Variants in RSU1 observed in about 807,000 individuals in gnomAD.
RSU1 encodes rsu-1.
RSU1 carries 26 observed loss-of-function variants against 31.1 expected under a neutral mutation model. That is an observed-to-expected ratio of 0.84 (90% CI 0.61 to 1.16). The LOEUF is 1.16. Among genes scored for constraint, RSU1 ranks in the 50% most tolerant of loss-of-function variants. The pLI is 0.00. For missense variants in RSU1, 320 were observed against 339.1 expected, an observed-to-expected ratio of 0.94 and a Z score of 0.44; for synonymous variants, 164 against 136.3, an observed-to-expected ratio of 1.20 and a Z score of -1.41.
intron 8 of RSU1, among the ~76,000 whole-genome samples, chr10:16,615,816 C>T (rs572512853): frequency 1.1e-3 from 169 of 152,248 alleles, no homozygotes; most frequent in African/African-American, 4.0e-3. Flanking sequence ...AGTAAGTTCT[C>T]TGAAACCAAT....
chr10:16,805,347 C>T (rs1377184682), intron 2 of RSU1, among the ~76,000 whole-genome samples: 1 of 152,130 alleles, frequency 6.6e-6, no homozygotes, highest in Non-Finnish European at 1.5e-5. Flanking sequence ...TGCTCCAGCT[C>T]TCTGTGAATC....
intron 2 of RSU1, among the ~76,000 whole-genome samples, chr10:16,811,326 T>C (rs1483711522): frequency 6.6e-6 from 1 of 152,110 alleles, no homozygotes; most frequent in African/African-American, 2.4e-5. Flanking sequence ...TCATAACGTA[T>C]CCCCACCATT....
At chr10:16,757,689 CAT>C (rs1263729164) in intron 4 of RSU1, among the ~76,000 whole-genome samples, 19 of 152,332 alleles carry the variant, frequency 1.2e-4, no homozygotes, top group Admixed American at 3.3e-4. Context: ...ATGAAGGCGA[CAT>C]GTGTCTGGAA....
At chr10:16,736,931 CAGG>C (rs1836639808) in intron 7 of RSU1, among the ~76,000 whole-genome samples, 1 of 144,478 alleles carries the variant, frequency 6.9e-6, no homozygotes, top group African/African-American at 2.6e-5. Flanking sequence ...ATATGCTTAT[CAGG>C]AGATTAGACA....
intron 8 of RSU1, among the ~76,000 whole-genome samples, chr10:16,604,708 T>G (rs1192576227): frequency 6.6e-6 from 1 of 152,150 alleles, no homozygotes; most frequent in Non-Finnish European, 1.5e-5. Flanking sequence ...TACCGTGATG[T>G]GACTGCAGGT....
chr10:16,740,612 T>A (rs1446507133), intron 7 of RSU1, among the ~76,000 whole-genome samples: 2 of 152,014 alleles, frequency 1.3e-5, no homozygotes, highest in Non-Finnish European at 2.9e-5. Flanking sequence ...AATAACTGAG[T>A]TCATAAGGTT....
chr10:16,647,636 C>T (rs1388744161), intron 8 of RSU1, among the ~76,000 whole-genome samples: 11 of 152,012 alleles, frequency 7.2e-5, no homozygotes, highest in Non-Finnish European at 5.9e-5. Context: ...TGTAGAGAGA[C>T]AGAGAGTAGA....
In RSU1 at chr10:16,669,370, T is replaced by G. The variant is rs556290242; in HGVS notation, c.731+25653A>C. 2.6e-3 allele frequency among the ~76,000 whole-genome samples: 369 copies of G among 144,698 alleles called. 2 individuals carry two copies. Among genetic ancestry groups the G allele is most frequent in the African/African-American group, 8.8e-3 (353 of 40,036 alleles). The allele number at this position is 144,698 out of a possible 152,430, so 94.9% of individuals were successfully genotyped here. On this transcript the variant is annotated intron_variant, in intron 8 of 8. Coordinates refer to ENST00000345264, the MANE Select transcript of RSU1 (RefSeq NM_012425.4). ...TCTTGAAATTAACATTTTCTGTTTT[T>G]TTTCCCCCCCCAAAGCACCATACTG...
intron 8 of RSU1, among the ~76,000 whole-genome samples, chr10:16,680,001 C>A (rs1054465903): frequency 1.3e-5 from 2 of 151,528 alleles, no homozygotes; most frequent in Admixed American, 6.6e-5. Flanking sequence ...CCAGCCTCAG[C>A]CTCCGGAGTA....
At chr10:16,599,001 T>A (rs1833668210) in intron 8 of RSU1, among the ~76,000 whole-genome samples, 1 of 152,218 alleles carries the variant, frequency 6.6e-6, no homozygotes, top group Admixed American at 6.5e-5. Flanking sequence ...GTGTTGTTTC[T>A]ACGAGAGGAA....
intron 2 of RSU1, among the ~76,000 whole-genome samples, chr10:16,811,003 C>A (rs375703341): frequency 4.6e-5 from 7 of 151,892 alleles, no homozygotes; most frequent in Non-Finnish European, 7.4e-5. Flanking sequence ...GCCTGGGCAA[C>A]AGAGTGAGAC....
intron 2 of RSU1, among the ~76,000 whole-genome samples, chr10:16,807,095 C>T (rs1330064673): frequency 6.6e-6 from 1 of 152,188 alleles, no homozygotes; most frequent in Non-Finnish European, 1.5e-5. Flanking sequence ...GCCTCACTTA[C>T]AGCTGTTAAG....
chr10:16,800,288 C>A (rs1564362593), intron 2 of RSU1, among the ~76,000 whole-genome samples: 1 of 152,134 alleles, frequency 6.6e-6, no homozygotes, highest in African/African-American at 2.4e-5. Flanking sequence ...AGTTATCTGA[C>A]TGCGACTTTA....
intron 7 of RSU1, among the ~76,000 whole-genome samples, chr10:16,728,694 G>T (rs1836445085): frequency 6.6e-6 from 1 of 152,228 alleles, no homozygotes; most frequent in Admixed American, 6.5e-5. Flanking sequence ...AGTTGGGGAG[G>T]TTATCTGGGT....
At chr10:16,615,452 A>T (rs1254512495) in intron 8 of RSU1, among the ~76,000 whole-genome samples, 3 of 152,134 alleles carry the variant, frequency 2.0e-5, no homozygotes, top group Non-Finnish European at 4.4e-5. Context: ...TTAACACCCC[A>T]CTGTCCATAC....
intron 7 of RSU1, among the ~76,000 whole-genome samples, chr10:16,714,423 T>A (rs1359784902): frequency 6.6e-6 from 1 of 152,206 alleles, no homozygotes; most frequent in African/African-American, 2.4e-5. Flanking sequence ...AATAGCAGCA[T>A]TCAGCTGCTC....
intron 2 of RSU1, among the ~76,000 whole-genome samples, chr10:16,788,785 T>C (rs943827987): frequency 4.6e-5 from 7 of 152,210 alleles, no homozygotes; most frequent in African/African-American, 1.4e-4. Context: ...GTACAAGGTA[T>C]TTCCACTTAC....
intron 8 of RSU1, among the ~76,000 whole-genome samples, chr10:16,634,662 G>C (rs564285501): frequency 6.6e-6 from 1 of 152,150 alleles, no homozygotes; most frequent in African/African-American, 2.4e-5. Flanking sequence ...GTACACAGAG[G>C]TGTCTTTCTA....
intron 3 of RSU1, among the ~76,000 whole-genome samples, chr10:16,774,338 C>T (rs55853545): frequency 0.2 from 30,612 of 151,884 alleles, 3,317 homozygotes; most frequent in African/African-American, 0.29. Flanking sequence ...ATCACTAGGC[C>T]GAGGCAAGCA....
Sources: allele counts gnomAD v4.1 joint callset (sites outside exome capture counted in the v4.1 genomes callset), GRCh38; gene constraint gnomAD v4.1.1; transcripts MANE v1.5; gene names NCBI Gene and HGNC (gene_info 2026-07-23, HGNC 2026-07-21).